The following TDRD12 variants were observed in gnomAD, a reference collection of about 807,000 sequenced individuals.
TDRD12 encodes the protein tudor domain containing 12.
In TDRD12, 158 loss-of-function variants were observed where a neutral mutation model predicts 133.5. The observed-to-expected ratio is 1.18, with a 90% confidence interval of 1.04 to 1.35. The LOEUF is 1.35. TDRD12 is among the 40% of genes most tolerant of loss of function. The probability of loss-of-function intolerance (pLI) is 0.00; values close to 1 mark genes in which losing one functional copy is unlikely to be tolerated. For synonymous variants in TDRD12, 460 were observed against 477.9 expected (o/e 0.96, Z 0.49); for missense variants, 1,443 against 1,321.3 (o/e 1.09, Z -1.43).
intron 1 of TDRD12, among the ~76,000 whole-genome samples, chr19:32,721,647 T>C (rs1968670536): frequency 6.6e-6 from 1 of 151,804 alleles, no homozygotes; most frequent in African/African-American, 2.4e-5. Flanking sequence ...CCCAAAGTGC[T>C]GGGATTACAG....
intron 27 of TDRD12, among the ~76,000 whole-genome samples, chr19:32,820,395 A>G (rs1269284890): frequency 6.6e-6 from 1 of 152,184 alleles, no homozygotes; most frequent in Non-Finnish European, 1.5e-5. Context: ...TTTTCAGTGT[A>G]CAGCCAAATT....
At position 32,797,905 on chromosome 19, in the gene TDRD12, T is replaced by C; in HGVS notation, c.1630+14T>C. ...TTCCAAGGGGCTGTAAGTATCCTTT[T>C]CAAGCGGCTATAAAAGTTAAAGTAT... On this transcript the variant is annotated intron_variant, in intron 15 of 27. Coordinates refer to ENST00000444215, the Ensembl canonical transcript of TDRD12. 1.5e-6 allele frequency: 1 copy of C among 679,680 alleles called. No individual in the cohort carries two copies. 42.1% of individuals were successfully genotyped at this position (679,680 alleles called of 1,614,324 possible).
intron 2 of TDRD12, among the ~76,000 whole-genome samples, chr19:32,735,592 G>A (rs766871674): frequency 6.6e-6 from 1 of 152,230 alleles, no homozygotes; most frequent in Non-Finnish European, 1.5e-5. Context: ...ATTGTTGAAA[G>A]TGGACACACT....
chr19:32,733,628 A>G (rs2035077375), intron 2 of TDRD12, among the ~76,000 whole-genome samples: 1 of 152,138 alleles, frequency 6.6e-6, no homozygotes, highest in South Asian at 2.1e-4. Flanking sequence ...AGTGATGCTG[A>G]GATTGACCAG....
intron 27 of TDRD12, 39 bp from the exon 28 acceptor site, chr19:32,820,994 G>T (rs1232862686): frequency 1.3e-6 from 2 of 1,501,234 alleles, no homozygotes; most frequent in Non-Finnish European, 1.8e-6. Context: ...GGCAGTTCCT[G>T]TAGAGAGCCA....
rs1268665968 is a variant in TDRD12, at chr19:32,738,787, T to A, written c.184-69T>A. The A allele has an allele frequency of 2.0e-6, 3 of 1,485,348 alleles. No homozygotes were observed. The Admixed American group carries it at 6.3e-5, about 31-fold the overall frequency. The allele number at this position is 1,485,348 out of a possible 1,614,324, so 92.0% of individuals were successfully genotyped here. On this transcript the variant is annotated intron_variant, in intron 2 of 27. Coordinates refer to ENST00000444215, the Ensembl canonical transcript of TDRD12. ...GAGATTGTGCCACTGCACTCCAGCC[T>A]GGGCAATGGAGTAACACTCTGTCTC...
At chr19:32,795,291 C>T (rs1971191630) in intron 14 of TDRD12, among the ~76,000 whole-genome samples, 2 of 147,604 alleles carry the variant, frequency 1.4e-5, no homozygotes, top group South Asian at 4.2e-4. Context: ...CGAGATTATA[C>T]CATTGTGTTC....
chr19:32,798,575 T>A, intron 16 of TDRD12, 140 bp downstream of exon 16: 1 of 536,522 alleles, frequency 1.9e-6, no homozygotes, highest in Non-Finnish European at 3.0e-6. Flanking sequence ...CTTCTATAAT[T>A]AAGAAGAAAG....
At chr19:32,731,426 C>A (rs1262536809) in intron 1 of TDRD12, among the ~76,000 whole-genome samples, 1 of 151,550 alleles carries the variant, frequency 6.6e-6, no homozygotes, top group East Asian at 1.9e-4. Flanking sequence ...TTTTAACAAA[C>A]AAAAGTACTA....
chr19:32,820,549 T>G (rs1000130414), intron 27 of TDRD12, among the ~76,000 whole-genome samples: 2 of 152,226 alleles, frequency 1.3e-5, no homozygotes, highest in Non-Finnish European at 2.9e-5. Flanking sequence ...TTGAATTTAG[T>G]ACGTTCCCAT....
At chr19:32,751,315 G>C (rs1226169484) in intron 6 of TDRD12, among the ~76,000 whole-genome samples, 1 of 152,070 alleles carries the variant, frequency 6.6e-6, no homozygotes, top group Non-Finnish European at 1.5e-5. Flanking sequence ...GGTATTCCAT[G>C]GTGTGTATGT....
chr19:32,803,170 A>G (rs1461419744), intron 21 of TDRD12, 28 bp downstream of exon 21: 27 of 1,458,296 alleles, frequency 1.9e-5, no homozygotes, highest in Non-Finnish European at 2.3e-5. Flanking sequence ...TTCTTATTAA[A>G]CTGATGTATA....
intron 21 of TDRD12, among the ~76,000 whole-genome samples, chr19:32,805,238 C>T (rs1318987126): frequency 1.4e-5 from 2 of 140,970 alleles, no homozygotes; most frequent in African/African-American, 5.2e-5. Context: ...TATATATAAG[C>T]CAGCTGTGGT....
chr19:32,792,722 C>T (rs1431642278), intron 13 of TDRD12, among the ~76,000 whole-genome samples: 1 of 152,154 alleles, frequency 6.6e-6, no homozygotes, highest in African/African-American at 2.4e-5. Flanking sequence ...AGAGGGCCTA[C>T]CCATCACAGG....
intron 8 of TDRD12, among the ~76,000 whole-genome samples, chr19:32,762,018 T>C (rs757922168): frequency 2.0e-5 from 3 of 152,190 alleles, no homozygotes; most frequent in Non-Finnish European, 4.4e-5. Context: ...AGGATTTGGC[T>C]ATTTTAAATT....
At chr19:32,798,576 A>G (rs186634623) in intron 16 of TDRD12, 141 bp downstream of exon 16, 325 of 527,422 alleles carry the variant, frequency 6.2e-4, no homozygotes, top group African/African-American at 5.7e-3. Context: ...TTCTATAATT[A>G]AGAAGAAAGA....
At chr19:32,722,199 A>G (rs1968705286) in intron 1 of TDRD12, among the ~76,000 whole-genome samples, 1 of 152,126 alleles carries the variant, frequency 6.6e-6, no homozygotes, top group Admixed American at 6.5e-5. Flanking sequence ...TGTCAGTCCT[A>G]ACGATGCTAG....
intron 2 of TDRD12, among the ~76,000 whole-genome samples, chr19:32,733,869 T>G (rs1264955449): frequency 1.3e-5 from 2 of 151,600 alleles, no homozygotes; most frequent in African/African-American, 4.8e-5. Flanking sequence ...TTTTAAATTT[T>G]TTTAATTTAT....
exon 1 of TDRD12, chr19:32,719,930 C>A: frequency 9.4e-7 from 1 of 1,059,158 alleles, no homozygotes; most frequent in Non-Finnish European, 1.4e-6. Context: ...GGGCACCTGC[C>A]GCGGGGGGCC....
Sources: gnomAD v4.1 joint callset for allele counts (sites outside exome capture counted in the v4.1 genomes callset) on GRCh38, gnomAD v4.1.1 for gene constraint, MANE v1.5 for transcripts, NCBI Gene and HGNC (gene_info 2026-07-23, HGNC 2026-07-21) for gene names.